CAST: variants seen among roughly 807,000 people sequenced by gnomAD.
CAST encodes the protein calpastatin.
CAST carries 76 observed loss-of-function variants against 119.6 expected under a neutral mutation model. The ratio of observed to expected loss-of-function variants is 0.64; its 90% CI spans 0.53 to 0.77. The LOEUF is 0.77. Ranked by LOEUF, CAST falls within the 30% of genes least tolerant of loss-of-function variation. CAST has a pLI of 0.00. For synonymous variants in CAST, 319 were observed against 331.6 expected, an observed-to-expected ratio of 0.96 and a Z score of 0.41; for missense variants, 953 against 946.5, an observed-to-expected ratio of 1.01 and a Z score of -0.09.
chr5:96,393,294 C>T, the CAST span: 1 of 1,614,118 alleles, frequency 6.2e-7, no homozygotes, highest in Non-Finnish European at 8.5e-7. Context: ...TCCTCCAACT[C>T]ATCCCTCCGG....
chr5:96,606,545 G>A (rs1451850345), intron 1 of CAST, among the ~76,000 whole-genome samples: 1 of 152,206 alleles, frequency 6.6e-6, no homozygotes, highest in Non-Finnish European at 1.5e-5. Context: ...AGGCCCACAA[G>A]GCAAACTTAG....
chr5:96,576,780 G>A (rs1746679511), intron 1 of CAST, among the ~76,000 whole-genome samples: 1 of 151,540 alleles, frequency 6.6e-6, no homozygotes, highest in Non-Finnish European at 1.5e-5. Flanking sequence ...TTTCGTTTTT[G>A]TTTTTTCTAA....
At chr5:96,410,731 G>T in the CAST span, 1 of 1,452,104 alleles carries the variant, frequency 6.9e-7, no homozygotes. Flanking sequence ...TGCATGCCAC[G>T]CTCTCCTAAC....
the CAST span, among the ~76,000 whole-genome samples, chr5:96,398,036 C>T: frequency 6.6e-6 from 1 of 151,960 alleles, no homozygotes; most frequent in Admixed American, 6.6e-5. Flanking sequence ...ATTTTTAAGT[C>T]CCAGCCCTTT....
chr5:96,557,436 C>T (rs1442844874), intron 1 of CAST, among the ~76,000 whole-genome samples: 1 of 151,944 alleles, frequency 6.6e-6, no homozygotes, highest in Non-Finnish European at 1.5e-5. Context: ...ATAGTCAAGA[C>T]CCATCAGTGT....
the CAST span, among the ~76,000 whole-genome samples, chr5:96,420,256 A>G: frequency 6.6e-6 from 1 of 152,206 alleles, no homozygotes; most frequent in Non-Finnish European, 1.5e-5. Context: ...CTCCAAGGTC[A>G]CCCTTTACTC....
At chr5:96,283,369 G>A in the CAST span, among the ~76,000 whole-genome samples, 1 of 152,096 alleles carries the variant, frequency 6.6e-6, no homozygotes, top group African/African-American at 2.4e-5. Flanking sequence ...CAAATATAAA[G>A]GGGTTCTGTA....
At chr5:96,072,376 A>G in the CAST span, among the ~76,000 whole-genome samples, 1 of 152,184 alleles carries the variant, frequency 6.6e-6, no homozygotes, top group Non-Finnish European at 1.5e-5. Flanking sequence ...GCTGGAGAAC[A>G]TGAATTTGCA....
chr5:96,734,891 A>G (rs1259603210), intron 9 of CAST, among the ~76,000 whole-genome samples: 1 of 152,150 alleles, frequency 6.6e-6, no homozygotes, highest in Non-Finnish European at 1.5e-5. Context: ...ACTGTTTTCT[A>G]ATAGAAAAGA....
chr5:96,161,062 T>C, the CAST span, among the ~76,000 whole-genome samples: 183 of 152,286 alleles, frequency 1.2e-3, no homozygotes, highest in African/African-American at 4.2e-3. Context: ...TGTATGTTGT[T>C]TTTTCACTTT....
intron 22 of CAST, 51 bp downstream of exon 22, chr5:96,754,792 A>T (rs777789164): frequency 1.9e-6 from 2 of 1,045,770 alleles, no homozygotes; most frequent in Non-Finnish European, 3.0e-6. Context: ...TACTGAATTC[A>T]TACACAGAAC....
the CAST span, among the ~76,000 whole-genome samples, chr5:96,141,716 A>T: frequency 6.6e-6 from 1 of 152,192 alleles, no homozygotes; most frequent in African/African-American, 2.4e-5. Context: ...TGCTCTTCTG[A>T]GAAGTCCTAC....
At chr5:96,477,359 G>A in the CAST span, among the ~76,000 whole-genome samples, 1 of 152,180 alleles carries the variant, frequency 6.6e-6, no homozygotes, top group East Asian at 1.9e-4. Flanking sequence ...TCATGTGTGT[G>A]TGTGTTGCCA....
At position 96,762,371 on chromosome 5, in the gene CAST, C is replaced by G. The variant is rs201324973; in HGVS notation, c.1931C>G (p.Ser644Trp). The change falls in exon 25 of 32, where the codon TCG becomes TGG. Residue 644 changes from serine to tryptophan, a missense_variant and splice_region_variant. Ser to Trp is a radical substitution (Grantham distance 177, BLOSUM62 -3). Transcript: ENST00000675179. ...GCTGGAGCCCCACCCCGTGATACCTCGGTAAGCAGCACATCTTATTTGGGA... is the reference window on the plus strand; with the variant it reads ...GCTGGAGCCCCACCCCGTGATACCTGGGTAAGCAGCACATCTTATTTGGGA... ...TQAGAPPRDT[S>W]QSDKDLDDAL... 6.3e-7 allele frequency: 1 copy of G among 1,584,528 alleles called. No homozygotes were observed. The highest frequency in any genetic ancestry group is 8.6e-7 in the Non-Finnish European group (1 of 1,168,906).
chr5:96,256,544 G>A, the CAST span, among the ~76,000 whole-genome samples: 5 of 151,346 alleles, frequency 3.3e-5, no homozygotes, highest in African/African-American at 1.2e-4. Context: ...AAAACCTATT[G>A]CTCCTAGGCT....
At chr5:96,241,451 T>C in the CAST span, among the ~76,000 whole-genome samples, 17 of 151,654 alleles carry the variant, frequency 1.1e-4, no homozygotes, top group African/African-American at 3.9e-4. Context: ...ATTTTCTTAA[T>C]CCAGTCTATC....
At chr5:96,134,404 G>A in the CAST span, among the ~76,000 whole-genome samples, 1 of 152,184 alleles carries the variant, frequency 6.6e-6, no homozygotes, top group East Asian at 1.9e-4. Flanking sequence ...TCGCTTTACT[G>A]AATAACTGGC....
At chr5:96,392,934 G>A in the CAST span, 3 of 1,533,172 alleles carry the variant, frequency 2.0e-6, no homozygotes, top group African/African-American at 4.1e-5. Context: ...AACCACTTCA[G>A]ACACAGGCAA....
At chr5:96,565,169 T>C (rs1409624391) in intron 1 of CAST, among the ~76,000 whole-genome samples, 1 of 150,892 alleles carries the variant, frequency 6.6e-6, no homozygotes, top group Non-Finnish European at 1.5e-5. Flanking sequence ...TTAATAAAAA[T>C]TTTCCCACAC....
Sources: allele counts gnomAD v4.1 joint callset (sites outside exome capture counted in the v4.1 genomes callset), GRCh38; gene constraint gnomAD v4.1.1; transcripts MANE v1.5; gene names NCBI Gene and HGNC (gene_info 2026-07-23, HGNC 2026-07-21).